The following NTNG2 variants were observed in gnomAD, a reference collection of about 807,000 sequenced individuals.
NTNG2 encodes netrin G2, also known as netrin-G2.
NTNG2 carries 15 observed loss-of-function variants against 47.6 expected under a neutral mutation model. The ratio of observed to expected loss-of-function variants is 0.32; its 90% CI spans 0.21 to 0.49. NTNG2 has a LOEUF of 0.49. Among genes scored for constraint, NTNG2 ranks in the 20% least tolerant of loss-of-function variants. The pLI is 0.99. For synonymous variants in NTNG2, 307 were observed against 324.6 expected, an observed-to-expected ratio of 0.95 and a Z score of 0.58; for missense variants, 578 against 764.6, an observed-to-expected ratio of 0.76 and a Z score of 2.88.
chr9:132,164,079 CTTTT>C (rs1835311228), intron 1 of NTNG2, among the ~76,000 whole-genome samples: 1 of 152,286 alleles, frequency 6.6e-6, no homozygotes, highest in Non-Finnish European at 1.5e-5. Context: ...TCCCCCTTCT[CTTTT>C]TTCTTTTTGG....
At chr9:132,164,664 A>G (rs965621799) in intron 1 of NTNG2, among the ~76,000 whole-genome samples, 1 of 152,266 alleles carries the variant, frequency 6.6e-6, no homozygotes, top group South Asian at 2.1e-4. Context: ...AGAGTTTTCT[A>G]GCAAGGAGCG....
chr9:132,230,066 C>T (rs1485756358), intron 4 of NTNG2, among the ~76,000 whole-genome samples: 7 of 152,246 alleles, frequency 4.6e-5, no homozygotes, highest in Admixed American at 1.3e-4. Context: ...GCACGATTTA[C>T]GCAGGGGATG....
At chr9:132,189,068 C>CTTTCTTTTTTTTT (rs1837640741) in intron 2 of NTNG2, among the ~76,000 whole-genome samples, 2 of 93,232 alleles carry the variant, frequency 2.1e-5, no homozygotes, top group Non-Finnish European at 4.1e-5. Flanking sequence ...TTAAGCCTTT[C>CTTTCTTTTTTTTT]TTTTTTTTTT....
At chr9:132,237,027 G>T (rs1380333414) in intron 5 of NTNG2, among the ~76,000 whole-genome samples, 1 of 152,214 alleles carries the variant, frequency 6.6e-6, no homozygotes, top group Non-Finnish European at 1.5e-5. Flanking sequence ...GACGGGCGTG[G>T]TGTGCAATGT....
chr9:132,219,227 A>G (rs1448165170), intron 3 of NTNG2, among the ~76,000 whole-genome samples: 1 of 151,596 alleles, frequency 6.6e-6, no homozygotes, highest in Admixed American at 6.6e-5. Flanking sequence ...AAACAAAAAA[A>G]AAAAAGAAAA....
intron 4 of NTNG2, among the ~76,000 whole-genome samples, chr9:132,228,980 A>C (rs1249647588): frequency 1.3e-5 from 2 of 151,646 alleles, no homozygotes; most frequent in Admixed American, 6.6e-5. Context: ...CCTCACCCCC[A>C]GTCACCACCT....
chr9:132,225,232 GTTTTGT>G (rs1554792722), intron 3 of NTNG2, among the ~76,000 whole-genome samples: 3 of 150,516 alleles, frequency 2.0e-5, no homozygotes, highest in Admixed American at 1.3e-4. Context: ...GTTTTGTCTT[GTTTTGT>G]TTTTGTTTTT....
rs377218733 is a variant in NTNG2, at chr9:132,190,049, C to T, written c.214-7917C>T. ...GAGATCGAGACCATCCTGGCTAACACGGTGAAACCCCGTCTCTACTAAAAA... is the reference window on the plus strand; with the variant it reads ...GAGATCGAGACCATCCTGGCTAACATGGTGAAACCCCGTCTCTACTAAAAA... On this transcript the variant is annotated intron_variant, in intron 2 of 7. Transcript: ENST00000393229. Among the ~76,000 whole-genome samples, 141 of 148,234 alleles carry T rather than the reference C, an allele frequency of 9.5e-4. 1 individual carries two copies. In the East Asian group the frequency reaches 0.023, roughly 24 times the overall value.
At chr9:132,165,354 G>A (rs1380644331) in intron 1 of NTNG2, among the ~76,000 whole-genome samples, 1 of 151,802 alleles carries the variant, frequency 6.6e-6, no homozygotes, top group Non-Finnish European at 1.5e-5. Flanking sequence ...GCTTAAAATA[G>A]CACAGCAATA....
chr9:132,192,801 A>C (rs777770779), intron 2 of NTNG2, among the ~76,000 whole-genome samples: 24 of 152,030 alleles, frequency 1.6e-4, no homozygotes, highest in Non-Finnish European at 3.4e-4. Context: ...GGGAGAGAGA[A>C]AATTGTGTTG....
chr9:132,204,716 G>A (rs1386283674), intron 3 of NTNG2, among the ~76,000 whole-genome samples: 2 of 152,178 alleles, frequency 1.3e-5, no homozygotes, highest in Non-Finnish European at 2.9e-5. Context: ...TCCTCATTAA[G>A]TCCTATCCTG....
chr9:132,175,810 CG>C (rs1564386861), intron 2 of NTNG2, among the ~76,000 whole-genome samples: 1 of 151,976 alleles, frequency 6.6e-6, no homozygotes, highest in East Asian at 1.9e-4. Context: ...ACTGAGCAGC[CG>C]GGGAAGATTT....
intron 2 of NTNG2, among the ~76,000 whole-genome samples, chr9:132,193,069 C>G (rs1054387488): frequency 1.3e-5 from 2 of 152,158 alleles, no homozygotes; most frequent in Admixed American, 6.5e-5. Context: ...CCCTGTCCCC[C>G]GCCACAATGC....
intron 4 of NTNG2, among the ~76,000 whole-genome samples, chr9:132,230,339 C>A (rs1431493047): frequency 6.6e-6 from 1 of 152,234 alleles, no homozygotes; most frequent in Non-Finnish European, 1.5e-5. Context: ...GCAAAATGGG[C>A]CAATAGTGGT....
At chr9:132,164,585 G>T (rs760756729) in intron 1 of NTNG2, among the ~76,000 whole-genome samples, 2 of 152,254 alleles carry the variant, frequency 1.3e-5, no homozygotes, top group African/African-American at 4.8e-5. Context: ...AACCTTTGCC[G>T]GCGGCGCTAT....
In NTNG2 at chr9:132,163,374, G is replaced by A. The variant is rs1589341188; in HGVS notation, c.-484+1135G>A. ...AACTTTCCAGGGCTCCCGCGGGCGG[G>A]GACCCAGGGGCCGGATAAAGGGCCC... On this transcript the variant is annotated intron_variant, in intron 1 of 7. Coordinates refer to ENST00000393229, the MANE Select transcript of NTNG2 (RefSeq NM_032536.4). This position sits in a 1 kb window ranked among gnomAD's most constrained non-coding sequence, Gnocchi z 7.2. 6.6e-6 allele frequency among the ~76,000 whole-genome samples: 1 copy of A among 151,400 alleles called. No individual in the cohort carries two copies. The highest frequency in any genetic ancestry group is 1.5e-5 in the Non-Finnish European group (1 of 67,728).
At chr9:132,229,028 G>C (rs1351688203) in intron 4 of NTNG2, among the ~76,000 whole-genome samples, 1 of 152,108 alleles carries the variant, frequency 6.6e-6, no homozygotes, top group Admixed American at 6.5e-5. Context: ...GCCTGTAGGG[G>C]CTGGGCAGCT....
chr9:132,200,518 A>G (rs962699761), intron 3 of NTNG2, among the ~76,000 whole-genome samples: 3 of 152,222 alleles, frequency 2.0e-5, no homozygotes, highest in Non-Finnish European at 4.4e-5. Context: ...GAAAAACATC[A>G]TGGGTTGGGG....
Position 132,242,170 on chromosome 9 carries a change from G to T in NTNG2, c.*59G>T. ...GCCGGGGGTCCCGGGGTCCCGGGGC[G>T]GGGCCGGCGTCCGAGGCCGGGCGGT... On this transcript the variant is annotated 3_prime_UTR_variant, in exon 8 of 8. Coordinates refer to ENST00000393229, the MANE Select transcript of NTNG2 (RefSeq NM_032536.4). This position sits in a 1 kb window ranked among gnomAD's most constrained non-coding sequence, Gnocchi z 5.9. 1.1e-6 allele frequency: 1 copy of T among 889,802 alleles called. No homozygotes were observed. Among genetic ancestry groups the T allele is most frequent in the Non-Finnish European group, 1.4e-6 (1 of 721,890 alleles). 55.1% of individuals were successfully genotyped at this position (889,802 alleles called of 1,614,324 possible).
Sources: gnomAD v4.1 joint callset for allele counts (sites outside exome capture counted in the v4.1 genomes callset) on GRCh38, gnomAD v4.1.1 for gene constraint, Gnocchi (gnomAD v3.1) non-coding constraint, MANE v1.5 for transcripts, NCBI Gene and HGNC (gene_info 2026-07-23, HGNC 2026-07-21) for gene names.